NBEA: variants seen among roughly 807,000 people sequenced by gnomAD.
The protein encoded by NBEA is lysosomal-trafficking regulator 2.
A neutral mutation model predicts 343.4 loss-of-function variants in NBEA; 44 were observed. The observed-to-expected ratio is 0.13, with a 90% CI of 0.10 to 0.16. The LOEUF (loss-of-function observed/expected upper bound fraction) is 0.16. Among genes scored for constraint, NBEA ranks in the 10% least tolerant of loss-of-function variants. NBEA has a pLI of 1.00. For missense variants in NBEA, 2,555 were observed against 3,631.3 expected (o/e 0.70, Z 7.62); for synonymous variants, 1,175 against 1,238.7 (o/e 0.95, Z 1.08).
chr13:35,539,269 A>G (rs534026411), intron 41 of NBEA, among the ~76,000 whole-genome samples: 7 of 152,268 alleles, frequency 4.6e-5, no homozygotes, highest in African/African-American at 1.7e-4. Flanking sequence ...GAGCAGCAGG[A>G]TCTCCTAGCT....
intron 49 of NBEA, among the ~76,000 whole-genome samples, chr13:35,640,759 C>T (rs1387026601): frequency 6.6e-6 from 1 of 152,174 alleles, no homozygotes; most frequent in Non-Finnish European, 1.5e-5. Context: ...AGTTATGTGT[C>T]ATATATGTGT....
chr13:35,185,014 C>T (rs1452237858), intron 30 of NBEA, among the ~76,000 whole-genome samples: 2 of 152,092 alleles, frequency 1.3e-5, no homozygotes, highest in Admixed American at 1.3e-4. Context: ...TTGACCTAAT[C>T]GCATGAGCTC....
intron 39 of NBEA, among the ~76,000 whole-genome samples, chr13:35,446,441 A>G (rs2046048931): frequency 6.6e-6 from 1 of 152,176 alleles, no homozygotes; most frequent in Non-Finnish European, 1.5e-5. Context: ...CAACAGTGTA[A>G]AAGTGTTCCT....
intron 13 of NBEA, among the ~76,000 whole-genome samples, chr13:35,111,597 A>C (rs1044093385): frequency 2.2e-4 from 34 of 152,140 alleles, no homozygotes; most frequent in African/African-American, 7.0e-4. Context: ...AGATTTTCTC[A>C]ATTTTTCTAT....
chr13:34,984,381 T>C (rs2060472478), intron 1 of NBEA, among the ~76,000 whole-genome samples: 1 of 152,208 alleles, frequency 6.6e-6, no homozygotes, highest in South Asian at 2.1e-4. Context: ...TTCTGAGGCC[T>C]CTGATCTGTT....
rs555648501 is a variant in NBEA, at chr13:35,124,519, C to CAT, written c.2336+945_2336+946insAT. On this transcript the variant is annotated intron_variant, in intron 17 of 58. Coordinates refer to ENST00000379939, the MANE Select transcript of NBEA (RefSeq NM_001385012.1). The stretch of plus-strand genomic sequence containing the variant: ...GTATACACACACACACACACACACA[C>CAT]GGATATATATACACACATATATGGA... 5.0e-3 allele frequency among the ~76,000 whole-genome samples: 739 copies of CAT among 148,466 alleles called. 7 individuals carry two copies. Among genetic ancestry groups the CAT allele is most frequent in the African/African-American group, 0.017 (688 of 40,450 alleles).
At chr13:35,108,568 T>G (rs2066032889) in intron 11 of NBEA, among the ~76,000 whole-genome samples, 2 of 152,096 alleles carry the variant, frequency 1.3e-5, no homozygotes, top group South Asian at 4.1e-4. Flanking sequence ...TTTTTAAAAA[T>G]ATTCTGAGCT....
At chr13:35,666,960 C>T (rs184624076) in intron 56 of NBEA, among the ~76,000 whole-genome samples, 5 of 152,212 alleles carry the variant, frequency 3.3e-5, no homozygotes, top group African/African-American at 7.2e-5. Context: ...TGTGGTACAA[C>T]GCGTAAAATT....
chr13:35,348,837 A>AT (rs972601345), intron 36 of NBEA, among the ~76,000 whole-genome samples: 4 of 152,006 alleles, frequency 2.6e-5, no homozygotes, highest in Admixed American at 2.6e-4. Flanking sequence ...TCCAACCAAA[A>AT]TTTTTTATTT....
At chr13:35,147,864 T>G (rs1278868172) in intron 18 of NBEA, among the ~76,000 whole-genome samples, 3 of 152,186 alleles carry the variant, frequency 2.0e-5, no homozygotes, top group Non-Finnish European at 4.4e-5. Flanking sequence ...GGCCTGTACA[T>G]ACAATATTTG....
intron 47 of NBEA, among the ~76,000 whole-genome samples, chr13:35,602,716 C>A (rs2153049076): frequency 6.6e-6 from 1 of 152,268 alleles, no homozygotes; most frequent in South Asian, 2.1e-4. Flanking sequence ...GCCAAAAAAA[C>A]CATCCTTACT....
intron 5 of NBEA, among the ~76,000 whole-genome samples, chr13:35,049,241 AC>A (rs1438620205): frequency 6.6e-6 from 1 of 151,908 alleles, no homozygotes; most frequent in Non-Finnish European, 1.5e-5. Flanking sequence ...AGCATACTTA[AC>A]AATAAGTACA....
intron 34 of NBEA, 29 bp from the exon 35 acceptor site, chr13:35,290,360 C>T (rs746415504): frequency 2.6e-5 from 39 of 1,483,232 alleles, no homozygotes; most frequent in Non-Finnish European, 3.3e-5. Context: ...ATTGTAATTT[C>T]ATTTTGTTTT....
chr13:35,609,768 CTAAG>C (rs1217973948), intron 48 of NBEA, among the ~76,000 whole-genome samples: 1 of 152,148 alleles, frequency 6.6e-6, no homozygotes, highest in Non-Finnish European at 1.5e-5. Flanking sequence ...ACAGGAGTAA[CTAAG>C]TATTTAAACT....
In NBEA at chr13:35,169,347, A is replaced by C. The variant is rs145136781; in HGVS notation, c.4242+352A>C. ...AGAGTGATCTTTATTTTTTAGCCCT[A>C]TCTTTTGATGCTTACATACTTCATT... On this transcript the variant is annotated intron_variant, in intron 25 of 58. Coordinates refer to ENST00000379939, the MANE Select transcript of NBEA (RefSeq NM_001385012.1). Among the ~76,000 whole-genome samples the C allele has an allele frequency of 5.4e-3, 822 of 151,606 alleles. 9 individuals carry two copies. Among genetic ancestry groups the C allele is most frequent in the African/African-American group, 0.019 (773 of 41,532 alleles).
intron 10 of NBEA, among the ~76,000 whole-genome samples, chr13:35,094,893 G>A (rs1284551303): frequency 6.6e-6 from 1 of 151,774 alleles, no homozygotes; most frequent in Non-Finnish European, 1.5e-5. Context: ...CAATTACTTT[G>A]CAACATTCTT....
At chr13:35,568,856 T>G (rs968197661) in intron 45 of NBEA, among the ~76,000 whole-genome samples, 1 of 152,206 alleles carries the variant, frequency 6.6e-6, no homozygotes, top group African/African-American at 2.4e-5. Flanking sequence ...GGGACAAGAT[T>G]AGGAACAAGA....
chr13:35,083,507 C>T (rs910057996), intron 10 of NBEA, among the ~76,000 whole-genome samples: 5 of 152,098 alleles, frequency 3.3e-5, no homozygotes, highest in African/African-American at 1.2e-4. Context: ...TCCAGCCAAA[C>T]TAAGCTTCAT....
chr13:35,541,794 G>A (rs1473423347), intron 41 of NBEA, among the ~76,000 whole-genome samples: 3 of 150,316 alleles, frequency 2.0e-5, no homozygotes, highest in African/African-American at 7.3e-5. Flanking sequence ...GCACAAAAAG[G>A]TAGGGAGTAA....
Sources: allele counts gnomAD v4.1 joint callset (sites outside exome capture counted in the v4.1 genomes callset), GRCh38; gene constraint gnomAD v4.1.1; transcripts MANE v1.5; gene names NCBI Gene and HGNC (gene_info 2026-07-23, HGNC 2026-07-21).